Variants in DDX60L observed in about 807,000 individuals in gnomAD.
DDX60L encodes probable ATP-dependent RNA helicase DDX60-like.
In DDX60L, 191 loss-of-function variants were observed where a neutral mutation model predicts 211.6. That is an observed-to-expected ratio of 0.90 (90% CI 0.80 to 1.02). The LOEUF (loss-of-function observed/expected upper bound fraction) is 1.02. DDX60L is among the 50% of genes least tolerant of loss of function. The pLI is 0.00. For synonymous variants in DDX60L, 706 were observed against 694.1 expected (o/e 1.02, Z -0.27); for missense variants, 2,007 against 1,984.1 (o/e 1.01, Z -0.22).
chr4:168,426,872 G>A (rs893873629), intron 14 of DDX60L, among the ~76,000 whole-genome samples, 198 bp downstream of exon 14: 7 of 151,946 alleles, frequency 4.6e-5, no homozygotes, highest in South Asian at 2.1e-4. Context: ...TTCCCTGTTG[G>A]GACCCTCTGT....
intron 1 of DDX60L, among the ~76,000 whole-genome samples, chr4:168,473,370 G>A (rs1759059460): frequency 6.6e-6 from 1 of 152,180 alleles, no homozygotes; most frequent in Non-Finnish European, 1.5e-5. Flanking sequence ...GGATGGGGAG[G>A]TGCATAAAGA....
At chr4:168,399,398 C>T (rs567209505) in intron 26 of DDX60L, among the ~76,000 whole-genome samples, 27 of 152,330 alleles carry the variant, frequency 1.8e-4, no homozygotes, top group Non-Finnish European at 3.2e-4. Flanking sequence ...GCTTGCAGTA[C>T]GCCTGGTCCA....
rs1321427763 is a variant in DDX60L at position 168,457,905 on chromosome 4, T to A, written c.710A>T (p.Asp237Val). The A allele has an allele frequency of 6.5e-7, 1 of 1,536,906 alleles. No individual in the cohort carries two copies. Among genetic ancestry groups the A allele is most frequent in the African/African-American group, 1.4e-5 (1 of 72,762 alleles). Reference protein sequence around the residue: ...ATHFEHLKWNDMMEEAYQTLF... With the variant: ...ATHFEHLKWNVMMEEAYQTLF... ...AAATTTTAATACCTCTTCCATCATA[T>A]CATTCCATTTCAAATGTTCAAAATG... Residue 237 changes from aspartate to valine, a missense_variant, in exon 6 of 38, where the codon GAT becomes GTT. Asp to Val is a radical substitution (Grantham distance 152, BLOSUM62 -3). Transcript: ENST00000682922.
intron 22 of DDX60L, among the ~76,000 whole-genome samples, chr4:168,412,244 TGCCAACTCAG>T (rs1224396290): frequency 6.6e-6 from 1 of 151,794 alleles, no homozygotes; most frequent in Non-Finnish European, 1.5e-5. Flanking sequence ...GCAGCTCAGA[TGCCAACTCAG>T]GCACAGTGGA....
intron 29 of DDX60L, chr4:168,390,027 GAGGGATGTAAGTGCA>G: frequency 4.5e-6 from 2 of 440,622 alleles, no homozygotes; most frequent in Non-Finnish European, 6.0e-6. Flanking sequence ...GGTGGTTGTT[GAGGGATGTAAGTGCA>G]AGGGGCAATT....
chr4:168,362,856 A>G (rs568591483), intron 36 of DDX60L, among the ~76,000 whole-genome samples: 1 of 152,310 alleles, frequency 6.6e-6, no homozygotes, highest in South Asian at 2.1e-4. Flanking sequence ...TTCACCTTAT[A>G]GGGGCACCAG....
intron 18 of DDX60L, 125 bp downstream of exon 18, chr4:168,420,136 A>G: frequency 1.1e-6 from 1 of 875,574 alleles, no homozygotes; most frequent in Non-Finnish European, 1.6e-6. Flanking sequence ...GAGCAATTTC[A>G]TTTTCTTTGT....
chr4:168,410,020 A>T (rs1017237835), intron 22 of DDX60L, among the ~76,000 whole-genome samples: 2 of 152,150 alleles, frequency 1.3e-5, no homozygotes, highest in Admixed American at 1.3e-4. Flanking sequence ...TCATTCCACA[A>T]ATATTTACTG....
intron 9 of DDX60L, among the ~76,000 whole-genome samples, chr4:168,442,822 T>C (rs1452729656): frequency 1.9e-4 from 28 of 151,332 alleles, no homozygotes; most frequent in African/African-American, 6.6e-4. Flanking sequence ...GGGTCCTCTC[T>C]GTTAGAAGGA....
At position 168,472,945 on chromosome 4, in the gene DDX60L, T is replaced by G. The variant is rs1579892476; in HGVS notation, c.-110-136A>C. 8 of 524,826 alleles carry G rather than the reference T, an allele frequency of 1.5e-5. No homozygotes were observed. The South Asian group carries it at 1.9e-4, about 12-fold the overall frequency. The allele number at this position is 524,826 out of a possible 1,614,324, so 32.5% of individuals were successfully genotyped here. On this transcript the variant is annotated intron_variant, in intron 1 of 37. Transcript: ENST00000682922. ...TTGATCAAATAATCATACAAAAAAT[T>G]TCAAATCACAAATGTGACAAAAGGC...
chr4:168,433,365 T>C (rs905259588), intron 10 of DDX60L, among the ~76,000 whole-genome samples: 2 of 152,164 alleles, frequency 1.3e-5, no homozygotes, highest in South Asian at 2.1e-4. Flanking sequence ...GACAAACATG[T>C]AGATTTTCCA....
Position 168,394,614 on chromosome 4 carries a change from A to G in DDX60L, c.3661T>C (p.Leu1221=). 1 of 1,590,820 alleles carries G rather than the reference A, an allele frequency of 6.3e-7. No homozygotes were observed. Among genetic ancestry groups the G allele is most frequent in the Non-Finnish European group, 8.5e-7 (1 of 1,173,464 alleles). Residue 1221 remains leucine (L), a synonymous_variant, in exon 28 of 38, where the codon TTG becomes CTG. Coordinates refer to ENST00000682922, the MANE Select transcript of DDX60L (RefSeq NM_001012967.3). The part of the protein sequence containing the change: ...TEITRNKDST[L]ERVLPRVRFT... ...CGCACTCGCGGTAATACCCTCTCCA[A>G]AGTCTAAAACAAGAAAGAAGTGTAA...
chr4:168,390,577 G>T, intron 29 of DDX60L: 1 of 975,738 alleles, frequency 1.0e-6, no homozygotes, highest in Non-Finnish European at 1.4e-6. Context: ...TAAGCAAAAT[G>T]ATAAAATTTA....
chr4:168,471,612 T>C (rs1561142349), intron 4 of DDX60L, 135 bp downstream of exon 4: 2 of 645,592 alleles, frequency 3.1e-6, no homozygotes, highest in South Asian at 3.2e-5. Flanking sequence ...TTATGGGTAA[T>C]TTTTTCTTTT....
intron 8 of DDX60L, 144 bp from the exon 9 acceptor site, chr4:168,448,923 A>G: frequency 1.4e-6 from 1 of 723,518 alleles, no homozygotes; most frequent in Non-Finnish European, 2.2e-6. Flanking sequence ...ACAGATGGTG[A>G]TCTATAAGTC....
intron 4 of DDX60L, among the ~76,000 whole-genome samples, chr4:168,466,791 G>A (rs994890158): frequency 1.2e-4 from 18 of 152,144 alleles, no homozygotes; most frequent in South Asian, 2.1e-4. Flanking sequence ...TATGGTCCAT[G>A]TATCCCCTTT....
intron 1 of DDX60L, among the ~76,000 whole-genome samples, chr4:168,479,388 C>G (rs377222400): frequency 6.6e-6 from 1 of 152,148 alleles, no homozygotes; most frequent in Non-Finnish European, 1.5e-5. Flanking sequence ...CAGGAGAACA[C>G]TCGAAATCAT....
chr4:168,426,785 C>A (rs1014386693), intron 14 of DDX60L, among the ~76,000 whole-genome samples: 3 of 152,116 alleles, frequency 2.0e-5, no homozygotes, highest in African/African-American at 7.2e-5. Context: ...CTTTGCTGAT[C>A]CCCTTAATTC....
At chr4:168,415,558 C>G in intron 21 of DDX60L, 41 bp from the exon 22 acceptor site, 1 of 1,453,054 alleles carries the variant, frequency 6.9e-7, no homozygotes, top group Admixed American at 2.0e-5. Flanking sequence ...AATGGACATA[C>G]GATTATTAGA....
Sources: gnomAD v4.1 joint callset for allele counts (sites outside exome capture counted in the v4.1 genomes callset) on GRCh38, gnomAD v4.1.1 for gene constraint, MANE v1.5 for transcripts, NCBI Gene and HGNC (gene_info 2026-07-23, HGNC 2026-07-21) for gene names.